PREX1: variants seen among roughly 807,000 people sequenced by gnomAD.
PREX1 encodes the protein phosphatidylinositol 3,4,5-trisphosphate-dependent Rac exchanger 1 protein.
Under a neutral mutation model 198.3 loss-of-function variants are expected in PREX1, and 41 were observed. The ratio of observed to expected loss-of-function variants is 0.21; its 90% confidence interval spans 0.16 to 0.27. The LOEUF (loss-of-function observed/expected upper bound fraction) is 0.27. Ranked by LOEUF, PREX1 falls within the 10% of genes least tolerant of loss-of-function variation. PREX1 has a pLI of 1.00. For missense variants in PREX1, 1,620 were observed against 2,200.7 expected, an observed-to-expected ratio of 0.74 and a Z score of 5.28; for synonymous variants, 843 against 887.2, an observed-to-expected ratio of 0.95 and a Z score of 0.89.
chr20:48,725,006 G>A (rs2090003349), intron 5 of PREX1, among the ~76,000 whole-genome samples: 1 of 152,200 alleles, frequency 6.6e-6, no homozygotes, highest in African/African-American at 2.4e-5. Flanking sequence ...GGAGGCATGG[G>A]AGAGCTGCGT....
intron 1 of PREX1, among the ~76,000 whole-genome samples, chr20:48,793,448 A>G (rs774859650): frequency 1.3e-5 from 2 of 152,370 alleles, no homozygotes; most frequent in South Asian, 2.1e-4. Context: ...AAAAATTAAA[A>G]AGAGAAACAC....
intron 1 of PREX1, among the ~76,000 whole-genome samples, chr20:48,749,602 T>TGCCTGCCCCCGGGAGCCCGGCC (rs2090125105): frequency 6.6e-6 from 1 of 152,180 alleles, no homozygotes; most frequent in East Asian, 1.9e-4. Context: ...GACACGTCCA[T>TGCCTGCCCCCGGGAGCCCGGCC]GCCTGCCCCC....
rs1345202065 is a variant in PREX1 at position 48,824,571 on chromosome 20, T to G, written c.219+3071A>C. Among the ~76,000 whole-genome samples the G allele has an allele frequency of 2.6e-5, 4 of 152,252 alleles. No homozygotes were observed. The East Asian group carries it at 7.7e-4, about 29-fold the overall frequency. ...AATAACCAATATTTATATACCTTAC[T>G]GCCAGACACTGTTCTAAGTGCTTTA... On this transcript the variant is annotated intron_variant, in intron 1 of 39. Coordinates refer to ENST00000371941, the MANE Select transcript of PREX1 (RefSeq NM_020820.4).
rs369752506 is a variant in PREX1 at position 48,676,185 on chromosome 20, G to A, written c.1665+8C>T. On this transcript the variant is annotated splice_region_variant and intron_variant, in intron 14 of 39. Transcript: ENST00000371941. ...ACACTGGTCACACACCCCTGAGGAG[G>A]CCCTCACCTGAGCCAGCAGCCAGTC... 39 of 1,612,448 alleles carry A rather than the reference G, an allele frequency of 2.4e-5. No individual in the cohort carries two copies. Among genetic ancestry groups the A allele is most frequent in the Non-Finnish European group, 3.1e-5 (37 of 1,178,534 alleles).
intron 5 of PREX1, among the ~76,000 whole-genome samples, chr20:48,712,625 C>A (rs1468502795): frequency 6.6e-6 from 1 of 152,214 alleles, no homozygotes; most frequent in Non-Finnish European, 1.5e-5. Context: ...TATTCTTGCT[C>A]TAGGTCAGTG....
intron 14 of PREX1, among the ~76,000 whole-genome samples, chr20:48,671,615 G>A (rs895091178): frequency 2.0e-5 from 3 of 152,124 alleles, no homozygotes; most frequent in African/African-American, 7.2e-5. Flanking sequence ...ATACCCTCCC[G>A]CCCTACACAA....
At position 48,827,665 on chromosome 20, in the gene PREX1, C is replaced by T. The variant is rs1568656838; in HGVS notation, c.196G>A (p.Gly66Ser). 3.0e-6 allele frequency: 4 copies of T among 1,350,562 alleles called. No homozygotes were observed. Among genetic ancestry groups the T allele is most frequent in the South Asian group, 2.0e-5 (1 of 50,488 alleles). The allele number at this position is 1,350,562 out of a possible 1,614,324, so 83.7% of individuals were successfully genotyped here. A position where few individuals can be genotyped will look rare whatever the true frequency, so the allele number is the denominator to read the frequency against. Residue 66 changes from glycine (G) to serine (S), a missense_variant, in exon 1 of 40, where the codon GGC becomes AGC. Gly to Ser is a moderately conservative substitution (Grantham distance 56). Transcript: ENST00000371941. This position sits in a 1 kb window ranked among gnomAD's most constrained non-coding sequence, Gnocchi z 4.1. The part of the protein sequence containing the change: ...EILGTERDYV[G>S]TLRFLQSAFL... ...ACCGACTGCAAGAAGCGCAAGGTGC[C>T]CACGTAGTCCCTCTCGGTGCCCAAG...
chr20:48,795,652 T>C (rs1158171673), intron 1 of PREX1, among the ~76,000 whole-genome samples: 1 of 149,336 alleles, frequency 6.7e-6, no homozygotes, highest in Non-Finnish European at 1.5e-5. Context: ...AAGAAGGGAA[T>C]GAATGTATAA....
At chr20:48,688,880 G>A in intron 9 of PREX1, 76 bp from the exon 10 acceptor site, 1 of 1,565,992 alleles carries the variant, frequency 6.4e-7, no homozygotes, top group South Asian at 1.1e-5. Flanking sequence ...CAAGGGGCAG[G>A]CCCACAGCTC....
chr20:48,836,889 G>A, the PREX1 span, among the ~76,000 whole-genome samples: 18 of 121,844 alleles, frequency 1.5e-4, no homozygotes, highest in African/African-American at 4.4e-4. Flanking sequence ...GCGACAGAGT[G>A]AGACTCTGTC....
chr20:48,685,254 G>A (rs182779049), intron 10 of PREX1, among the ~76,000 whole-genome samples: 5 of 152,278 alleles, frequency 3.3e-5, no homozygotes, highest in East Asian at 1.9e-4. Context: ...CTAATCTGAC[G>A]ATGCCAGAGG....
In PREX1 at chr20:48,821,336, G is replaced by A. The variant is rs184262043; in HGVS notation, c.219+6306C>T. Among the ~76,000 whole-genome samples, 399 of 152,286 alleles carry A rather than the reference G, an allele frequency of 2.6e-3. 2 individuals carry two copies. Among genetic ancestry groups the A allele is most frequent in the Middle Eastern group, 0.01 (3 of 294 alleles). ...TGAGTGGCTACTGCCCTTAACTGGT[G>A]CTCACCTCCCCTCTGGGGACGCAAT... is the stretch of plus-strand genomic sequence containing the variant. On this transcript the variant is annotated intron_variant, in intron 1 of 39. Transcript: ENST00000371941.
rs118034413 is a variant in PREX1 at position 48,641,661 on chromosome 20, G to A, written c.3775+507C>T. 2.6e-3 allele frequency among the ~76,000 whole-genome samples: 396 copies of A among 151,776 alleles called. 7 individuals carry two copies. The highest frequency in any genetic ancestry group is 0.02 in the East Asian group (101 of 5,162). On this transcript the variant is annotated intron_variant, in intron 29 of 39. Transcript: ENST00000371941. Reference sequence around the variant, plus strand: ...TCCAAAATTAGCCAGGAGAAGTGGCGTGCACCTGTAGTCCCAGCTACTTAG... The same window carrying A: ...TCCAAAATTAGCCAGGAGAAGTGGCATGCACCTGTAGTCCCAGCTACTTAG...
At chr20:48,711,071 T>C (rs1304090865) in intron 5 of PREX1, among the ~76,000 whole-genome samples, 1 of 152,242 alleles carries the variant, frequency 6.6e-6, no homozygotes, top group Non-Finnish European at 1.5e-5. Flanking sequence ...GACAGGAGGA[T>C]GCACGGGATG....
At chr20:48,698,594 C>G (rs571813859) in intron 7 of PREX1, among the ~76,000 whole-genome samples, 1 of 151,922 alleles carries the variant, frequency 6.6e-6, no homozygotes, top group East Asian at 1.9e-4. Context: ...AAGGAGTGGG[C>G]GAGAATGAAG....
At chr20:48,848,332 G>T in the PREX1 span, among the ~76,000 whole-genome samples, 1 of 149,550 alleles carries the variant, frequency 6.7e-6, no homozygotes, top group Non-Finnish European at 1.5e-5. Flanking sequence ...GTGGCTCACT[G>T]CACCCTCAAC....
At chr20:48,766,149 A>G (rs2090207007) in intron 1 of PREX1, among the ~76,000 whole-genome samples, 1 of 152,188 alleles carries the variant, frequency 6.6e-6, no homozygotes, top group African/African-American at 2.4e-5. Flanking sequence ...TTATTTCATT[A>G]TATGTTACAA....
chr20:48,874,579 T>C, the PREX1 span, among the ~76,000 whole-genome samples: 2 of 151,968 alleles, frequency 1.3e-5, no homozygotes, highest in African/African-American at 4.8e-5. Context: ...AGCAGTTTAA[T>C]AAGATGGCAG....
At chr20:48,753,066 G>C (rs11696738) in intron 1 of PREX1, among the ~76,000 whole-genome samples, 53,765 of 151,926 alleles carry the variant, frequency 0.35, 10,394 homozygotes, top group Non-Finnish European at 0.43. Context: ...GTCTTCTGGG[G>C]CATAAGAGAA....
Sources: allele counts gnomAD v4.1 joint callset (sites outside exome capture counted in the v4.1 genomes callset), GRCh38; gene constraint gnomAD v4.1.1; non-coding constraint Gnocchi (gnomAD v3.1); transcripts MANE v1.5; gene names NCBI Gene and HGNC (gene_info 2026-07-23, HGNC 2026-07-21).